DCUN1D2: variants seen among roughly 807,000 people sequenced by gnomAD.
The protein encoded by DCUN1D2 is DCN1-like protein 2.
A neutral mutation model predicts 30.9 loss-of-function variants in DCUN1D2; 29 were observed. The ratio of observed to expected loss-of-function variants is 0.94; its 90% CI spans 0.70 to 1.28. The LOEUF is 1.28. Among genes scored for constraint, DCUN1D2 ranks in the 50% most tolerant of loss-of-function variants. The pLI is 0.00. For synonymous variants in DCUN1D2, 121 were observed against 115.3 expected, an observed-to-expected ratio of 1.05 and a Z score of -0.32; for missense variants, 325 against 316.9, an observed-to-expected ratio of 1.03 and a Z score of -0.19.
chr13:113,490,317 G>T lies in DCUN1D2; in HGVS notation c.3+350C>A, dbSNP rs2044927655. 4.4e-6 allele frequency: 1 copy of T among 225,556 alleles called. No individual in the cohort carries two copies. The highest frequency in any genetic ancestry group is 9.6e-5 in the East Asian group (1 of 10,424). 14.0% of individuals were successfully genotyped at this position (225,556 alleles called of 1,614,324 possible). A position where few individuals can be genotyped will look rare whatever the true frequency, so the allele number is the denominator to read the frequency against. ...CGCAGGAGCAGCCGAGCCCTCGCCCGCCTCGACTGCCCGTTTCGAAGCCGC... is the reference window on the plus strand; with the variant it reads ...CGCAGGAGCAGCCGAGCCCTCGCCCTCCTCGACTGCCCGTTTCGAAGCCGC... On this transcript the variant is annotated intron_variant, in intron 1 of 6. Transcript: ENST00000478244. This position sits in a 1 kb window ranked among gnomAD's most constrained non-coding sequence, Gnocchi z 5.2.
chr13:113,456,319 C>A lies in DCUN1D2; in HGVS notation c.*1710G>T, dbSNP rs928763894. The A allele has an allele frequency of 1.0e-5, 4 of 398,624 alleles. No individual in the cohort carries two copies. The highest frequency in any genetic ancestry group is 8.2e-5 in the African/African-American group (4 of 48,630). 24.7% of individuals were successfully genotyped at this position (398,624 alleles called of 1,614,324 possible). ...GTCCCTTCCAGTCCTGTCCCTGCTG[C>A]CCTCTGTGACCATCTCTGCTAAGAA... is the stretch of plus-strand genomic sequence containing the variant. On this transcript the variant is annotated 3_prime_UTR_variant, in exon 7 of 7. Transcript: ENST00000478244.
chr13:113,459,324 A>T lies in DCUN1D2; in HGVS notation c.688T>A (p.Tyr230Asn). Reference protein sequence around the residue: ...GNMIADDMSNYDEEGAWPVLI... With the variant: ...GNMIADDMSNNDEEGAWPVLI... ...CAACTTCCGGTACCTTCTTCATCGTAGTTAGACATATCATCCGCAATCATG... is the reference window on the plus strand; with the variant it reads ...CAACTTCCGGTACCTTCTTCATCGTTGTTAGACATATCATCCGCAATCATG... The change falls in exon 6 of 7, where the codon TAC becomes AAC. Residue 230 changes from tyrosine to asparagine, a missense_variant. Transcript: ENST00000478244. The T allele has an allele frequency of 6.3e-7, 1 of 1,577,576 alleles. No homozygotes were observed. The highest frequency in any genetic ancestry group is 8.7e-7 in the Non-Finnish European group (1 of 1,146,850).
chr13:113,463,962 C>A (rs113137497), intron 4 of DCUN1D2, among the ~76,000 whole-genome samples: 14 of 152,254 alleles, frequency 9.2e-5, no homozygotes, highest in African/African-American at 3.4e-4. Context: ...CTCACAAGAC[C>A]GACCACATCA....
intron 6 of DCUN1D2, among the ~76,000 whole-genome samples, chr13:113,459,023 T>C (rs528665552): frequency 6.6e-6 from 1 of 152,244 alleles, no homozygotes; most frequent in Non-Finnish European, 1.5e-5. Context: ...GGACTGAGAA[T>C]CTGGGAGTGG....
chr13:113,463,041 TTTA>T (rs1255424379), intron 4 of DCUN1D2: 3 of 220,558 alleles, frequency 1.4e-5, no homozygotes, highest in African/African-American at 2.3e-5. Flanking sequence ...TTTTTCAATA[TTTA>T]TTATTATTTA....
chr13:113,456,241 T>A lies in DCUN1D2; in HGVS notation c.*1788A>T, dbSNP rs1283605754. ...CTGGGGAAGGTCTGTCACTTGCCCA[T>A]CACTGGACCAGCCAGAAGCCAGCGG... is the stretch of plus-strand genomic sequence containing the variant. On this transcript the variant is annotated 3_prime_UTR_variant, in exon 7 of 7. Transcript: ENST00000478244. 1 of 398,618 alleles carries A rather than the reference T, an allele frequency of 2.5e-6. No homozygotes were observed. Among genetic ancestry groups the A allele is most frequent in the African/African-American group, 2.1e-5 (1 of 48,640 alleles). 24.7% of individuals were successfully genotyped at this position (398,618 alleles called of 1,614,324 possible). A position where few individuals can be genotyped will look rare whatever the true frequency, so the allele number is the denominator to read the frequency against.
chr13:113,491,041 C>G (rs950249050), upstream of DCUN1D2: 4 of 159,018 alleles, frequency 2.5e-5, no homozygotes, highest in Non-Finnish European at 5.5e-5. Flanking sequence ...GTCGGCTTGG[C>G]TGAGCGGGGG....
At chr13:113,462,599 A>G (rs2044336408) in intron 4 of DCUN1D2, 2 of 225,636 alleles carry the variant, frequency 8.9e-6, no homozygotes, top group South Asian at 3.2e-4. Context: ...ACTTTAAATA[A>G]AACGCCTCTA....
At chr13:113,481,798 C>T (rs747078005) in intron 2 of DCUN1D2, among the ~76,000 whole-genome samples, 78 of 148,836 alleles carry the variant, frequency 5.2e-4, no homozygotes, top group Non-Finnish European at 1.0e-3. Context: ...GCAGGAGAAT[C>T]GCTTGAACCC....
chr13:113,472,689 C>T (rs946363175), intron 4 of DCUN1D2, among the ~76,000 whole-genome samples: 4 of 152,210 alleles, frequency 2.6e-5, no homozygotes, highest in Non-Finnish European at 4.4e-5. Flanking sequence ...ACAGAAAGGG[C>T]AGGACAGGCT....
chr13:113,472,095 C>G (rs911872483), intron 4 of DCUN1D2, among the ~76,000 whole-genome samples: 1 of 147,282 alleles, frequency 6.8e-6, no homozygotes, highest in African/African-American at 2.5e-5. Context: ...GCATTCGTTT[C>G]GTCACTCTGA....
In DCUN1D2 at chr13:113,476,393, C is replaced by T. The variant is rs181115086; in HGVS notation, c.390-2139G>A. 1.6e-4 allele frequency among the ~76,000 whole-genome samples: 25 copies of T among 152,320 alleles called. No individual in the cohort carries two copies. The East Asian group carries it at 4.6e-3, about 28-fold the overall frequency. On this transcript the variant is annotated intron_variant, in intron 3 of 6. Coordinates refer to ENST00000478244, the MANE Select transcript of DCUN1D2 (RefSeq NM_001014283.2). ...TGGTTTGTTATGGGGTTCTATTTCA[C>T]TGTGGTTTTCACCTGCATTTCCCCA... is the stretch of plus-strand genomic sequence containing the variant.
At chr13:113,477,427 GTT>G (rs1247072122) in intron 3 of DCUN1D2, among the ~76,000 whole-genome samples, 1 of 152,102 alleles carries the variant, frequency 6.6e-6, no homozygotes, top group Non-Finnish European at 1.5e-5. Flanking sequence ...CGTTTTGCTG[GTT>G]GTTGCACTTG....
chr13:113,479,010 G>A (rs1387929219), intron 3 of DCUN1D2: 3 of 152,082 alleles, frequency 2.0e-5, no homozygotes, highest in Non-Finnish European at 4.4e-5. Context: ...CATCCAGAAT[G>A]CAATGGATAA....
intron 3 of DCUN1D2, 195 bp downstream of exon 3, chr13:113,480,380 T>A: frequency 6.7e-6 from 3 of 450,766 alleles, no homozygotes; most frequent in East Asian, 3.6e-5. Flanking sequence ...AAATGTGAAA[T>A]GAAATAAAGT....
At chr13:113,468,617 T>TC (rs1163482770) in intron 4 of DCUN1D2, among the ~76,000 whole-genome samples, 1 of 151,762 alleles carries the variant, frequency 6.6e-6, no homozygotes, top group Non-Finnish European at 1.5e-5. Flanking sequence ...CATCAACCTC[T>TC]CCTTCAGACA....
chr13:113,480,633 C>A lies in DCUN1D2; in HGVS notation c.331G>T (p.Ala111Ser). Reference sequence around the variant, plus strand: ...CTGCTAAATTCACACTGAGTTGCTGCCCTGAACTTCCACGCTATGACCAAT... The same window carrying A: ...CTGCTAAATTCACACTGAGTTGCTGACCTGAACTTCCACGCTATGACCAAT... ...SVLVIAWKFR[A>S]ATQCEFSRKE... The change falls in exon 3 of 7, where the codon GCA (alanine) becomes TCA (serine). Residue 111 changes from alanine to serine, a missense_variant. By Grantham distance (99) the Ala-to-Ser change is moderately conservative. Coordinates refer to ENST00000478244, the MANE Select transcript of DCUN1D2 (RefSeq NM_001014283.2). The A allele has an allele frequency of 6.2e-7, 1 of 1,614,138 alleles. No individual in the cohort carries two copies. The highest frequency in any genetic ancestry group is 1.3e-5 in the African/African-American group (1 of 75,038).
chr13:113,490,875 T>A, upstream of DCUN1D2: 1 of 292,756 alleles, frequency 3.4e-6, no homozygotes, highest in Non-Finnish European at 5.8e-6. The surrounding 1 kb of genome is among the most constrained non-coding windows in gnomAD (Gnocchi z 5.2). Context: ...TCCAGCCCTC[T>A]GCGAGGGCCT....
intron 1 of DCUN1D2, among the ~76,000 whole-genome samples, chr13:113,485,021 C>T (rs149702763): frequency 0.015 from 2,241 of 152,034 alleles, 31 homozygotes; most frequent in African/African-American, 0.025. Flanking sequence ...GAGATTGCAG[C>T]GAGCTGAGAT....
Sources: gnomAD v4.1 joint callset for allele counts (sites outside exome capture counted in the v4.1 genomes callset) on GRCh38, gnomAD v4.1.1 for gene constraint, Gnocchi (gnomAD v3.1) non-coding constraint, MANE v1.5 for transcripts, NCBI Gene and HGNC (gene_info 2026-07-23, HGNC 2026-07-21) for gene names.